ZDHHC14: variants seen among roughly 807,000 people sequenced by gnomAD.
The protein encoded by ZDHHC14 is zDHHC palmitoyltransferase 14.
ZDHHC14 carries 16 observed loss-of-function variants against 47.7 expected under a neutral mutation model. The observed-to-expected ratio is 0.34, with a 90% CI of 0.23 to 0.51. The LOEUF is 0.51. Ranked by LOEUF, ZDHHC14 falls within the 20% of genes least tolerant of loss-of-function variation. The pLI is 0.97. For synonymous variants in ZDHHC14, 293 were observed against 278.9 expected (o/e 1.05, Z -0.50); for missense variants, 515 against 662.5 (o/e 0.78, Z 2.44).
chr6:157,575,080 T>C (rs938078060), intron 2 of ZDHHC14, among the ~76,000 whole-genome samples: 1 of 152,030 alleles, frequency 6.6e-6, no homozygotes, highest in African/African-American at 2.4e-5. Context: ...GGTGAGTTGG[T>C]GTTGCCATCT....
At position 157,407,498 on chromosome 6, in the gene ZDHHC14, A is replaced by G. The variant is rs566708527; in HGVS notation, c.245+25232A>G. 2.0e-5 allele frequency among the ~76,000 whole-genome samples: 3 copies of G among 152,334 alleles called. No individual in the cohort carries two copies. In the South Asian group the frequency reaches 6.2e-4, roughly 32 times the overall value. ...CTTCCCAGCAGTCCCCTAGAAGGAA[A>G]ACTAACTCTTGGTAGTCTTCCCATT... On this transcript the variant is annotated intron_variant, in intron 1 of 8. Coordinates refer to ENST00000359775, the MANE Select transcript of ZDHHC14 (RefSeq NM_024630.3).
chr6:157,535,931 G>A (rs9456445), intron 1 of ZDHHC14, among the ~76,000 whole-genome samples: 60,093 of 151,968 alleles, frequency 0.4, 12,038 homozygotes, highest in Admixed American at 0.45. Context: ...GTTCCTGCCT[G>A]TAAGTGAAAA....
intron 3 of ZDHHC14, among the ~76,000 whole-genome samples, 186 bp from the exon 4 acceptor site, chr6:157,628,163 A>T (rs1314347189): frequency 6.6e-6 from 1 of 150,758 alleles, no homozygotes; most frequent in Non-Finnish European, 1.5e-5. Context: ...TGTTGAAAGA[A>T]TGACGATGTC....
chr6:157,438,827 T>G (rs1193133861), intron 1 of ZDHHC14, among the ~76,000 whole-genome samples: 3 of 152,212 alleles, frequency 2.0e-5, no homozygotes, highest in Non-Finnish European at 4.4e-5. Flanking sequence ...GAGCTAGAGC[T>G]GTGGAATTTA....
intron 3 of ZDHHC14, among the ~76,000 whole-genome samples, chr6:157,598,005 C>T (rs111253322): frequency 3.1e-4 from 47 of 152,350 alleles, no homozygotes; most frequent in African/African-American, 1.1e-3. Context: ...CTTCCTCTCC[C>T]GGGCACTTGA....
chr6:157,631,555 A>G (rs1018668756), intron 4 of ZDHHC14: 1 of 152,100 alleles, frequency 6.6e-6, no homozygotes, highest in African/African-American at 2.4e-5. Flanking sequence ...GCACAGGCAG[A>G]GAGGAGAGCT....
At chr6:157,504,685 A>G (rs552576933) in intron 1 of ZDHHC14, among the ~76,000 whole-genome samples, 31 of 152,214 alleles carry the variant, frequency 2.0e-4, no homozygotes, top group African/African-American at 7.0e-4. Flanking sequence ...TGTTGGGGTT[A>G]CAGGCGTGAG....
intron 1 of ZDHHC14, among the ~76,000 whole-genome samples, chr6:157,403,591 T>C (rs1777687196): frequency 6.6e-6 from 1 of 152,224 alleles, no homozygotes; most frequent in African/African-American, 2.4e-5. Context: ...AACTCTGTCT[T>C]CATTTGTCAC....
chr6:157,410,799 C>T lies in ZDHHC14; in HGVS notation c.245+28533C>T, dbSNP rs541594111. On this transcript the variant is annotated intron_variant, in intron 1 of 8. Coordinates refer to ENST00000359775, the MANE Select transcript of ZDHHC14 (RefSeq NM_024630.3). Reference sequence around the variant, plus strand: ...GCAACCTCTGCCTCCTGGGTTCAAGCGATTCTCCTGCCTCAGCCTCCTGAG... The same window carrying T: ...GCAACCTCTGCCTCCTGGGTTCAAGTGATTCTCCTGCCTCAGCCTCCTGAG... 5.9e-5 allele frequency among the ~76,000 whole-genome samples: 9 copies of T among 152,244 alleles called. No homozygotes were observed. In the East Asian group the frequency reaches 1.2e-3, roughly 20 times the overall value.
At chr6:157,403,571 C>G (rs1219984985) in intron 1 of ZDHHC14, among the ~76,000 whole-genome samples, 1 of 152,192 alleles carries the variant, frequency 6.6e-6, no homozygotes, top group Non-Finnish European at 1.5e-5. Context: ...GGGTTTAGGG[C>G]CGGCCTGAGA....
chr6:157,671,721 G>A (rs1168356252), intron 8 of ZDHHC14, among the ~76,000 whole-genome samples: 5 of 152,216 alleles, frequency 3.3e-5, no homozygotes, highest in South Asian at 4.1e-4. Flanking sequence ...AATAGGAAAC[G>A]TCTTCTCAAA....
chr6:157,631,922 A>G (rs1438961380), intron 4 of ZDHHC14: 1 of 152,014 alleles, frequency 6.6e-6, no homozygotes, highest in East Asian at 1.9e-4. Flanking sequence ...GTGTCCCACT[A>G]CTCAGACACA....
chr6:157,609,710 AC>A (rs1562506197), intron 3 of ZDHHC14, among the ~76,000 whole-genome samples: 1 of 152,202 alleles, frequency 6.6e-6, no homozygotes, highest in African/African-American at 2.4e-5. Flanking sequence ...GTGGCCGGGC[AC>A]TGAGCTTGCA....
At chr6:157,585,380 ACT>A (rs1297308044) in intron 2 of ZDHHC14, among the ~76,000 whole-genome samples, 2 of 150,952 alleles carry the variant, frequency 1.3e-5, no homozygotes, top group Admixed American at 1.3e-4. Flanking sequence ...CAGAGGCACA[ACT>A]GTTACCAACA....
chr6:157,512,161 A>G (rs1283842979), intron 1 of ZDHHC14, among the ~76,000 whole-genome samples: 1 of 152,148 alleles, frequency 6.6e-6, no homozygotes, highest in Non-Finnish European at 1.5e-5. Context: ...AGTGAAGGAA[A>G]CTCAAGCAGG....
intron 1 of ZDHHC14, among the ~76,000 whole-genome samples, chr6:157,481,272 T>C (rs934976240): frequency 6.6e-6 from 1 of 152,236 alleles, no homozygotes; most frequent in African/African-American, 2.4e-5. Flanking sequence ...GAGCAACTTA[T>C]GTCTGCTAAG....
intron 1 of ZDHHC14, among the ~76,000 whole-genome samples, chr6:157,528,821 AAAAG>A (rs1781262386): frequency 6.7e-6 from 1 of 150,048 alleles, no homozygotes; most frequent in Non-Finnish European, 1.5e-5. Context: ...AATTAATTAA[AAAAG>A]CACAATTAGA....
At chr6:157,423,343 C>A (rs746890915) in intron 1 of ZDHHC14, among the ~76,000 whole-genome samples, 3 of 152,094 alleles carry the variant, frequency 2.0e-5, no homozygotes, top group Non-Finnish European at 4.4e-5. Context: ...AAATCCTTTT[C>A]CTTTTATTTG....
At position 157,603,242 on chromosome 6, in the gene ZDHHC14, G is replaced by C. The variant is rs562786042; in HGVS notation, c.565+10096G>C. Among the ~76,000 whole-genome samples, 6 of 152,356 alleles carry C rather than the reference G, an allele frequency of 3.9e-5. No homozygotes were observed. In the South Asian group the frequency reaches 1.2e-3, roughly 32 times the overall value. On this transcript the variant is annotated intron_variant, in intron 3 of 8. Transcript: ENST00000359775. ...ATGGAGTGGCTGCTATGTGCACGTA[G>C]AGGGCAAAGAAATTTCACACAGGTT...
Sources: gnomAD v4.1 joint callset for allele counts (sites outside exome capture counted in the v4.1 genomes callset) on GRCh38, gnomAD v4.1.1 for gene constraint, MANE v1.5 for transcripts, NCBI Gene and HGNC (gene_info 2026-07-23, HGNC 2026-07-21) for gene names.